AMPD3: variants seen among roughly 807,000 people sequenced by gnomAD.
AMPD3 encodes the protein adenosine monophosphate deaminase 3, also known as AMP deaminase 3.
AMPD3 carries 57 observed loss-of-function variants against 82.3 expected under a neutral mutation model. The observed-to-expected ratio is 0.69, with a 90% CI of 0.56 to 0.86. The LOEUF (loss-of-function observed/expected upper bound fraction) is 0.86. AMPD3 is among the 40% of genes least tolerant of loss of function. AMPD3 has a pLI of 0.00. For synonymous variants in AMPD3, 381 were observed against 394.7 expected, an observed-to-expected ratio of 0.97 and a Z score of 0.41; for missense variants, 870 against 1,003.8, an observed-to-expected ratio of 0.87 and a Z score of 1.80.
intron 2 of AMPD3, chr11:10,477,131 G>C: frequency 7.1e-6 from 7 of 984,986 alleles, no homozygotes; most frequent in Non-Finnish European, 8.4e-6. Flanking sequence ...CACAGGCCAA[G>C]AGGAAGAGAG....
chr11:10,471,902 A>C (rs1475261697), intron 2 of AMPD3, among the ~76,000 whole-genome samples: 5 of 152,248 alleles, frequency 3.3e-5, no homozygotes, highest in Admixed American at 3.3e-4. Context: ...TTCCTCAAGA[A>C]TCTAGAACTA....
upstream of AMPD3, among the ~76,000 whole-genome samples, chr11:10,452,600 G>T (rs1297815774): frequency 6.6e-6 from 1 of 152,166 alleles, no homozygotes; most frequent in East Asian, 1.9e-4. Flanking sequence ...TTGGGAGAGT[G>T]CCAGGCACAT....
chr11:10,488,581 AGAGATGTG>A (rs1849149210), intron 6 of AMPD3, among the ~76,000 whole-genome samples: 1 of 152,160 alleles, frequency 6.6e-6, no homozygotes, highest in Non-Finnish European at 1.5e-5. Flanking sequence ...GTAAGGCTGC[AGAGATGTG>A]GGGAGGTCCT....
At chr11:10,450,602 C>T, upstream of AMPD3, 1 of 990,716 alleles carries the variant, frequency 1.0e-6, no homozygotes, top group Non-Finnish European at 1.2e-6. Flanking sequence ...GCATCTGCTC[C>T]GGGCTGCGGC....
chr11:10,481,879 T>C, intron 3 of AMPD3, 184 bp from the exon 4 acceptor site: 3 of 716,858 alleles, frequency 4.2e-6, no homozygotes, highest in Non-Finnish European at 7.4e-6. Context: ...ACATAAACCA[T>C]ATTGTTTGTA....
chr11:10,505,984 A>G lies in AMPD3; in HGVS notation c.*100A>G. ...CGAACTAGGACTTTCCTCTGTGAAG[A>G]GGATGCCTCTGAAGAAATTTTAAAC... On this transcript the variant is annotated 3_prime_UTR_variant, in exon 15 of 15. Transcript: ENST00000396553. The G allele has an allele frequency of 1.4e-6, 2 of 1,416,776 alleles. No homozygotes were observed. The highest frequency in any genetic ancestry group is 2.0e-6 in the Non-Finnish European group (2 of 1,012,354). 87.8% of individuals were successfully genotyped at this position (1,416,776 alleles called of 1,614,324 possible). A position where few individuals can be genotyped will look rare whatever the true frequency, so the allele number is the denominator to read the frequency against.
intron 1 of AMPD3, chr11:10,461,094 TGGGGGA>T: frequency 3.4e-6 from 4 of 1,180,996 alleles, no homozygotes; most frequent in Admixed American, 3.8e-5. Context: ...CTCTGTGAAG[TGGGGGA>T]GTGAGGTTTG....
Position 10,478,640 on chromosome 11 carries a change from G to T in AMPD3, c.336G>T (p.Val112=). 1.9e-6 allele frequency: 3 copies of T among 1,614,232 alleles called. No individual in the cohort carries two copies. Among genetic ancestry groups the T allele is most frequent in the African/African-American group, 1.3e-5 (1 of 75,064 alleles). The change falls in exon 3 of 15, where the codon GTG becomes GTT. Residue 112 remains valine (V), a synonymous_variant. Transcript: ENST00000396553. ...ASPAMSPTTP[V]VTGATSLPTP... is the part of the protein sequence containing the mutation. ...CGGCCATGTCTCCCACAACCCCTGT[G>T]GTCACTGGAGCCACTTCCCTGCCCA...
intron 2 of AMPD3, chr11:10,477,061 G>C: frequency 1.0e-6 from 1 of 985,486 alleles, no homozygotes; most frequent in East Asian, 1.1e-4. Context: ...CAAGCACTGG[G>C]TGTGTAAACA....
chr11:10,493,714 C>A, intron 7 of AMPD3, 171 bp downstream of exon 7: 1 of 788,878 alleles, frequency 1.3e-6, no homozygotes, highest in Non-Finnish European at 2.1e-6. Flanking sequence ...TCTGGGGCAG[C>A]CATGGGACAG....
chr11:10,493,261 G>T, intron 6 of AMPD3, 88 bp from the exon 7 acceptor site: 1 of 1,491,622 alleles, frequency 6.7e-7, no homozygotes. Flanking sequence ...AGGTGCTGGG[G>T]TTCTGTGCAC....
intron 12 of AMPD3, chr11:10,501,847 T>G: frequency 1.0e-6 from 1 of 981,526 alleles, no homozygotes; most frequent in Non-Finnish European, 1.2e-6. Flanking sequence ...AGCTTTTTAG[T>G]ATATCTAATT....
intron 2 of AMPD3, chr11:10,473,534 G>GT: frequency 1.0e-6 from 1 of 985,358 alleles, no homozygotes; most frequent in African/African-American, 1.7e-5. Flanking sequence ...GGGTGGGGCT[G>GT]TGAGTTTTCA....
At chr11:10,459,550 CT>C (rs1392118981) in intron 1 of AMPD3, among the ~76,000 whole-genome samples, 1 of 152,190 alleles carries the variant, frequency 6.6e-6, no homozygotes, top group Admixed American at 6.5e-5. Context: ...AGCAGCAGGG[CT>C]CTGTCTCATC....
At chr11:10,496,262 T>C (rs141257913) in intron 9 of AMPD3, 212 of 985,318 alleles carry the variant, frequency 2.2e-4, no homozygotes, top group Non-Finnish European at 2.5e-4. Context: ...GCAAAGGCCT[T>C]GGGGGAACTA....
At chr11:10,500,353 C>A (rs1382331165) in intron 11 of AMPD3, 104 bp downstream of exon 11, 26 of 1,446,764 alleles carry the variant, frequency 1.8e-5, no homozygotes, top group Non-Finnish European at 2.5e-5. Flanking sequence ...TGTCCGTGTG[C>A]ACCTGAACCA....
intron 11 of AMPD3, chr11:10,500,980 A>G: frequency 1.0e-6 from 1 of 985,388 alleles, no homozygotes; most frequent in Non-Finnish European, 1.2e-6. Context: ...TGATTGAAAG[A>G]AATGGCCTGG....
intron 5 of AMPD3, among the ~76,000 whole-genome samples, chr11:10,485,253 T>C (rs7101748): frequency 0.93 from 141,110 of 152,164 alleles, 65,425 homozygotes; most frequent in East Asian, 0.96. Flanking sequence ...CCCTGTCCCC[T>C]CTTTTGTTTT....
intron 2 of AMPD3, among the ~76,000 whole-genome samples, chr11:10,468,215 A>T (rs893516886): frequency 6.6e-6 from 1 of 152,214 alleles, no homozygotes; most frequent in African/African-American, 2.4e-5. Flanking sequence ...TAAAACACAC[A>T]GACTGGCAAA....
Sources: gnomAD v4.1 joint callset for allele counts (sites outside exome capture counted in the v4.1 genomes callset) on GRCh38, gnomAD v4.1.1 for gene constraint, MANE v1.5 for transcripts, NCBI Gene and HGNC (gene_info 2026-07-23, HGNC 2026-07-21) for gene names.